The following ATXN3 variants were observed in gnomAD, a reference collection of about 807,000 sequenced individuals.
The protein encoded by ATXN3 is ataxin-3.
In ATXN3, 28 loss-of-function variants were observed where a neutral mutation model predicts 58.2. The ratio of observed to expected loss-of-function variants is 0.48; its 90% CI spans 0.36 to 0.66. The LOEUF is 0.66. Ranked by LOEUF, ATXN3 falls within the 30% of genes least tolerant of loss-of-function variation. The pLI, the probability that ATXN3 is intolerant of heterozygous loss-of-function variation, is 0.00. For missense variants in ATXN3, 321 were observed against 422.1 expected (o/e 0.76, Z 2.10); for synonymous variants, 113 against 138.5 (o/e 0.82, Z 1.29).
At chr14:92,094,850 C>T (rs1306001310) in intron 3 of ATXN3, among the ~76,000 whole-genome samples, 1 of 152,152 alleles carries the variant, frequency 6.6e-6, no homozygotes, top group Non-Finnish European at 1.5e-5. Context: ...CTGCAGTAGC[C>T]ATTACCTGTT....
chr14:92,062,361 CTAAAGT>C lies in ATXN3; in HGVS notation c.*1953_*1958del, dbSNP rs1330884286. 1 of 152,104 alleles carries C rather than the reference CTAAAGT, an allele frequency of 6.6e-6. No homozygotes were observed. The highest frequency in any genetic ancestry group is 2.4e-5 in the African/African-American group (1 of 41,420). 9.4% of individuals were successfully genotyped at this position (152,104 alleles called of 1,614,324 possible). A position where few individuals can be genotyped will look rare whatever the true frequency, so the allele number is the denominator to read the frequency against. On this transcript the variant is annotated 3_prime_UTR_variant, in exon 11 of 11. Transcript: ENST00000644486. ...AGGGTATATATGAACTTTATAAACT[CTAAAGT>C]TAAAACTTTAAAATGCATATTGGTT... is the stretch of plus-strand genomic sequence containing the variant.
At chr14:92,052,046 T>C (rs2057450683), upstream of ATXN3, among the ~76,000 whole-genome samples, 1 of 151,468 alleles carries the variant, frequency 6.6e-6, no homozygotes, top group African/African-American at 2.4e-5. Flanking sequence ...TAACCACACC[T>C]CCTGATTTCA....
At chr14:92,069,465 C>G (rs974684525) in intron 10 of ATXN3, among the ~76,000 whole-genome samples, 18 of 151,470 alleles carry the variant, frequency 1.2e-4, no homozygotes, top group Middle Eastern at 3.4e-3. Flanking sequence ...CCTCTGCCTC[C>G]CGGGTTCACG....
intron 9 of ATXN3, among the ~76,000 whole-genome samples, chr14:92,075,156 G>GTTTTTTTTTTTTTT (rs376552690): frequency 1.8e-5 from 2 of 111,356 alleles, no homozygotes; most frequent in African/African-American, 6.7e-5. Flanking sequence ...GTAATAGGGA[G>GTTTTTTTTTTTTTT]TTTTTTTTTT....
In ATXN3 at chr14:92,061,252, A is replaced by C. The variant is rs1310314613; in HGVS notation, c.*3068T>G. ...GAAAAATCAAGTTTTAAGGACAAAA[A>C]AAAAAAGCACCACCTTAAATAAAAT... On this transcript the variant is annotated 3_prime_UTR_variant, in exon 11 of 11. Transcript: ENST00000644486. 6.6e-6 allele frequency: 1 copy of C among 152,068 alleles called. No homozygotes were observed. The highest frequency in any genetic ancestry group is 1.5e-5 in the Non-Finnish European group (1 of 67,976). 9.4% of individuals were successfully genotyped at this position (152,068 alleles called of 1,614,324 possible).
At chr14:92,079,943 G>A (rs549931896) in intron 9 of ATXN3, among the ~76,000 whole-genome samples, 1 of 152,104 alleles carries the variant, frequency 6.6e-6, no homozygotes, top group Non-Finnish European at 1.5e-5. Context: ...TCACCATGTT[G>A]GTCAGGCTGG....
chr14:92,098,211 T>C (rs1255724047), intron 1 of ATXN3, among the ~76,000 whole-genome samples: 1 of 152,130 alleles, frequency 6.6e-6, no homozygotes, highest in African/African-American at 2.4e-5. Flanking sequence ...GCTCAAGGGA[T>C]CTTCCTGCCT....
chr14:92,079,734 GTT>G (rs1249775714), intron 9 of ATXN3, among the ~76,000 whole-genome samples: 2 of 152,192 alleles, frequency 1.3e-5, no homozygotes, highest in Admixed American at 6.5e-5. Flanking sequence ...TTAACATGAA[GTT>G]TTCTTTCTCT....
At chr14:92,085,297 C>T (rs2062199762) in intron 6 of ATXN3, among the ~76,000 whole-genome samples, 1 of 151,896 alleles carries the variant, frequency 6.6e-6, no homozygotes, top group Non-Finnish European at 1.5e-5. Flanking sequence ...AGTGATTCTC[C>T]TATCTCAGCC....
chr14:92,099,934 G>A (rs912578919), intron 1 of ATXN3, among the ~76,000 whole-genome samples: 4 of 144,242 alleles, frequency 2.8e-5, no homozygotes, highest in African/African-American at 1.0e-4. Flanking sequence ...AAAGAAAGAA[G>A]AAAGAAAGAA....
At chr14:92,074,412 G>GGGTGGCAAGCAA (rs1172386498) in intron 9 of ATXN3, among the ~76,000 whole-genome samples, 1 of 152,220 alleles carries the variant, frequency 6.6e-6, no homozygotes, top group Non-Finnish European at 1.5e-5. Context: ...AGCCATTTGG[G>GGGTGGCAAGCAA]AGATGCCAGT....
At chr14:92,077,510 C>T (rs2140542443) in intron 9 of ATXN3, 1 of 152,224 alleles carries the variant, frequency 6.6e-6, no homozygotes, top group African/African-American at 2.4e-5. Context: ...CCACACCCAG[C>T]TAATTTTTGT....
rs766647421 is a variant in ATXN3 at position 92,058,760 on chromosome 14, G to A, written c.*5560C>T. 2 of 152,164 alleles carry A rather than the reference G, an allele frequency of 1.3e-5. No homozygotes were observed. The highest frequency in any genetic ancestry group is 2.4e-5 in the African/African-American group (1 of 41,424). 9.4% of individuals were successfully genotyped at this position (152,164 alleles called of 1,614,324 possible). A position where few individuals can be genotyped will look rare whatever the true frequency, so the allele number is the denominator to read the frequency against. On this transcript the variant is annotated 3_prime_UTR_variant, in exon 11 of 11. Transcript: ENST00000644486. ...CAGAAGGGCTGCAGGGCTGGGTCCT[G>A]AGCAAGCGGCACTGCCACAGTGCAC...
At chr14:92,045,150 G>A (rs1362223799) in intron 2 of ATXN3, among the ~76,000 whole-genome samples, 1 of 152,304 alleles carries the variant, frequency 6.6e-6, no homozygotes, top group South Asian at 2.1e-4. Flanking sequence ...TCTGTGAAGG[G>A]CAAGAGGTAA....
At chr14:92,091,029 C>T (rs1028226188) in intron 5 of ATXN3, among the ~76,000 whole-genome samples, 1 of 148,702 alleles carries the variant, frequency 6.7e-6, no homozygotes, top group African/African-American at 2.5e-5. Flanking sequence ...CAGTGATCTC[C>T]CTGCCTCAGC....
At chr14:92,051,324 C>T (rs1338222607), upstream of ATXN3, among the ~76,000 whole-genome samples, 1 of 152,066 alleles carries the variant, frequency 6.6e-6, no homozygotes, top group Non-Finnish European at 1.5e-5. Context: ...TACAATTTTC[C>T]ATTACTACAG....
intron 10 of ATXN3, among the ~76,000 whole-genome samples, chr14:92,067,588 G>A (rs1339888241): frequency 6.6e-6 from 1 of 152,134 alleles, no homozygotes; most frequent in Non-Finnish European, 1.5e-5. Context: ...GTAGAGACAG[G>A]GTTTCACCAT....
chr14:92,052,094 C>T (rs1377817167), upstream of ATXN3, among the ~76,000 whole-genome samples: 1 of 152,090 alleles, frequency 6.6e-6, no homozygotes, highest in Non-Finnish European at 1.5e-5. Flanking sequence ...ATACTTGTTG[C>T]TTTCCTTTCC....
intron 5 of ATXN3, among the ~76,000 whole-genome samples, chr14:92,092,215 T>C (rs1445017277): frequency 6.6e-6 from 1 of 152,196 alleles, no homozygotes; most frequent in Non-Finnish European, 1.5e-5. Context: ...AATGATACCA[T>C]ACAGCAGGTA....
Sources: allele counts gnomAD v4.1 joint callset (sites outside exome capture counted in the v4.1 genomes callset), GRCh38; gene constraint gnomAD v4.1.1; transcripts MANE v1.5; gene names NCBI Gene and HGNC (gene_info 2026-07-23, HGNC 2026-07-21).